Variants in HMCN1 observed in about 807,000 individuals in gnomAD.
The protein encoded by HMCN1 is hemicentin-1.
Under a neutral mutation model 625.9 loss-of-function variants are expected in HMCN1, and 321 were observed. The ratio of observed to expected loss-of-function variants is 0.51; its 90% CI spans 0.47 to 0.56. The LOEUF (loss-of-function observed/expected upper bound fraction) is 0.56. Ranked by LOEUF, HMCN1 falls within the 20% of genes least tolerant of loss-of-function variation. The pLI is 0.00. For synonymous variants in HMCN1, 2,425 were observed against 2,417.6 expected (o/e 1.00, Z -0.09); for missense variants, 6,588 against 6,887.3 (o/e 0.96, Z 1.54).
chr1:186,152,601 G>A, intron 95 of HMCN1, 149 bp from the exon 96 acceptor site: 1 of 869,706 alleles, frequency 1.1e-6, no homozygotes. Flanking sequence ...TTAATTGGGA[G>A]GTTAAGTGCT....
At chr1:185,907,174 G>A (rs1666143729) in intron 4 of HMCN1, among the ~76,000 whole-genome samples, 1 of 151,692 alleles carries the variant, frequency 6.6e-6, no homozygotes. Flanking sequence ...TTCAAAAATG[G>A]CATCTGCTTC....
Position 185,803,414 on chromosome 1 carries a change from A to T in HMCN1, c.269-42612A>T, listed in dbSNP as rs116546861. ...TCTATAGAAGCAAAGATGAATATTT[A>T]TCTGTGGAATTCAAGCAACATCTGG... is the stretch of plus-strand genomic sequence containing the variant. On this transcript the variant is annotated intron_variant, in intron 1 of 106. Coordinates refer to ENST00000271588, the MANE Select transcript of HMCN1 (RefSeq NM_031935.3). Among the ~76,000 whole-genome samples the T allele has an allele frequency of 7.9e-3, 1,199 of 152,166 alleles. 11 individuals carry two copies. Among genetic ancestry groups the T allele is most frequent in the African/African-American group, 0.028 (1,156 of 41,548 alleles).
At chr1:185,951,201 G>A (rs1286227443) in intron 11 of HMCN1, among the ~76,000 whole-genome samples, 6 of 151,330 alleles carry the variant, frequency 4.0e-5, no homozygotes, top group African/African-American at 1.5e-4. Context: ...AAGAAGGGCG[G>A]CAATGAGATA....
At chr1:185,824,368 A>C (rs1393010912) in intron 1 of HMCN1, among the ~76,000 whole-genome samples, 1 of 152,118 alleles carries the variant, frequency 6.6e-6, no homozygotes, top group Non-Finnish European at 1.5e-5. Context: ...CACGTATCTC[A>C]CACAGTCTGT....
intron 2 of HMCN1, among the ~76,000 whole-genome samples, chr1:185,847,646 A>G (rs1174113868): frequency 1.3e-5 from 2 of 152,064 alleles, no homozygotes; most frequent in Non-Finnish European, 2.9e-5. Flanking sequence ...GTTTCTCTCA[A>G]CTGTTAAAGA....
rs568930455 is a variant in HMCN1, at chr1:185,832,179, C to T, written c.269-13847C>T. Among the ~76,000 whole-genome samples, 20 of 152,044 alleles carry T rather than the reference C, an allele frequency of 1.3e-4. No homozygotes were observed. The East Asian group carries it at 3.9e-3, about 29-fold the overall frequency. Reference sequence around the variant, plus strand: ...GGCGTGGTGGCGCATGCTTGTATTCCCAGCTACTTGGGGAGCTGATGTGGG... The same window carrying T: ...GGCGTGGTGGCGCATGCTTGTATTCTCAGCTACTTGGGGAGCTGATGTGGG... On this transcript the variant is annotated intron_variant, in intron 1 of 106. Transcript: ENST00000271588.
chr1:185,798,345 A>G (rs1476810113), intron 1 of HMCN1, among the ~76,000 whole-genome samples: 1 of 152,162 alleles, frequency 6.6e-6, no homozygotes, highest in Admixed American at 6.5e-5. Flanking sequence ...TGATGATTGT[A>G]TGTCTTGCTT....
intron 97 of HMCN1, among the ~76,000 whole-genome samples, chr1:186,160,462 G>A (rs559383993): frequency 3.3e-5 from 5 of 149,580 alleles, no homozygotes; most frequent in African/African-American, 9.9e-5. Flanking sequence ...CCTTCTGCTA[G>A]CTTTTGAATG....
At chr1:186,071,663 C>T (rs1188612892) in intron 52 of HMCN1, among the ~76,000 whole-genome samples, 1 of 152,010 alleles carries the variant, frequency 6.6e-6, no homozygotes, top group Non-Finnish European at 1.5e-5. Context: ...TTTCAGATTT[C>T]AGATGGATTT....
intron 100 of HMCN1, 44 bp from the exon 101 acceptor site, chr1:186,171,293 G>T (rs1033902617): frequency 7.6e-7 from 1 of 1,312,496 alleles, no homozygotes. Context: ...GATAAATTCA[G>T]GTTTCCTAAT....
chr1:185,785,482 GGA>G (rs1272583691), intron 1 of HMCN1, among the ~76,000 whole-genome samples: 1 of 152,130 alleles, frequency 6.6e-6, no homozygotes, highest in African/African-American at 2.4e-5. Flanking sequence ...TAGGCTTGTG[GGA>G]AGGAAGAGTC....
chr1:185,949,323 T>A (rs939408099), intron 11 of HMCN1, among the ~76,000 whole-genome samples: 3 of 151,786 alleles, frequency 2.0e-5, no homozygotes, highest in Non-Finnish European at 2.9e-5. Context: ...ACAGTCTAAG[T>A]TGGTCTGGTG....
chr1:185,907,560 G>C (rs16824726), intron 4 of HMCN1, among the ~76,000 whole-genome samples: 286 of 151,932 alleles, frequency 1.9e-3, no homozygotes, highest in African/African-American at 6.7e-3. Flanking sequence ...GGAGTACTTC[G>C]GTCTCTGTCT....
At chr1:185,975,228 G>C (rs1431535426) in intron 15 of HMCN1, among the ~76,000 whole-genome samples, 1 of 152,006 alleles carries the variant, frequency 6.6e-6, no homozygotes, top group Non-Finnish European at 1.5e-5. Flanking sequence ...TCGTGTATTC[G>C]TCCGTTCTCA....
chr1:185,989,173 A>G (rs1464690740), intron 20 of HMCN1, among the ~76,000 whole-genome samples: 2 of 151,554 alleles, frequency 1.3e-5, no homozygotes, highest in Non-Finnish European at 2.9e-5. Flanking sequence ...TCGCCCGGCT[A>G]ATTTTTTGTG....
In HMCN1 at chr1:186,038,937, G is replaced by A. The variant is rs1442544194; in HGVS notation, c.5960G>A (p.Gly1987Asp). Residue 1987 changes from glycine to aspartate, a missense_variant, in exon 38 of 107, where the codon GGC becomes GAC. Coordinates refer to ENST00000271588, the MANE Select transcript of HMCN1 (RefSeq NM_031935.3). ...GAAAGTGCCCAGATCTCAGATGCTG[G>A]CATATATAAATGCGTGGCCATCAAC... ...DIESAQISDA[G>D]IYKCVAINSA... 3.1e-6 allele frequency: 5 copies of A among 1,612,168 alleles called. No homozygotes were observed. The highest frequency in any genetic ancestry group is 1.7e-5 in the Admixed American group (1 of 59,968).
At position 186,000,589 on chromosome 1, in the gene HMCN1, G is replaced by GTA. The variant is rs1553272426; in HGVS notation, c.4069+351_4069+352insAT. Reference sequence around the variant, plus strand: ...TGTGTGTGTGTGTGTGTGTGTGTGTGTGTATGTATGTGTCTTCCCGGAGAT... The same window carrying GTA: ...TGTGTGTGTGTGTGTGTGTGTGTGTGTATGTATGTATGTGTCTTCCCGGAGAT... On this transcript the variant is annotated intron_variant, in intron 26 of 106. Coordinates refer to ENST00000271588, the MANE Select transcript of HMCN1 (RefSeq NM_031935.3). Among the ~76,000 whole-genome samples, 18 of 146,536 alleles carry GTA rather than the reference G, an allele frequency of 1.2e-4. 1 individual carries two copies. The East Asian group carries it at 1.4e-3, about 11-fold the overall frequency.
intron 1 of HMCN1, among the ~76,000 whole-genome samples, chr1:185,806,546 C>CA (rs34411405): frequency 3.3e-4 from 34 of 103,342 alleles, no homozygotes; most frequent in African/African-American, 4.6e-4. Context: ...GACCCTGTCT[C>CA]AAAAAAAAAA....
At chr1:186,150,743 C>T (rs1245132218) in intron 93 of HMCN1, among the ~76,000 whole-genome samples, 3 of 152,046 alleles carry the variant, frequency 2.0e-5, no homozygotes, top group Non-Finnish European at 4.4e-5. Context: ...CCGCCACTGT[C>T]TAGCAATGTA....
Sources: gnomAD v4.1 joint callset for allele counts (sites outside exome capture counted in the v4.1 genomes callset) on GRCh38, gnomAD v4.1.1 for gene constraint, MANE v1.5 for transcripts, NCBI Gene and HGNC (gene_info 2026-07-23, HGNC 2026-07-21) for gene names.